CCDC138: variants seen among roughly 807,000 people sequenced by gnomAD.
CCDC138 encodes coiled-coil domain containing 138, also known as coiled-coil domain-containing protein 138.
A neutral mutation model predicts 82.3 loss-of-function variants in CCDC138; 66 were observed. The ratio of observed to expected loss-of-function variants is 0.80; its 90% CI spans 0.66 to 0.98. The LOEUF is 0.98. Ranked by LOEUF, CCDC138 falls within the 50% of genes least tolerant of loss-of-function variation. The pLI is 0.00. For synonymous variants in CCDC138, 297 were observed against 265.4 expected, an observed-to-expected ratio of 1.12 and a Z score of -1.16; for missense variants, 816 against 758.9, an observed-to-expected ratio of 1.08 and a Z score of -0.88.
chr2:108,842,672 T>A (rs1257399858), intron 11 of CCDC138, among the ~76,000 whole-genome samples: 1 of 151,650 alleles, frequency 6.6e-6, no homozygotes, highest in Non-Finnish European at 1.5e-5. Flanking sequence ...TAGGGAGGAG[T>A]TGTCTAAGGC....
At chr2:108,861,441 A>G (rs1385057323) in intron 13 of CCDC138, among the ~76,000 whole-genome samples, 1 of 131,326 alleles carries the variant, frequency 7.6e-6, no homozygotes, top group African/African-American at 3.4e-5. Context: ...TTCTTTTTTT[A>G]TGTAGACATT....
At chr2:108,851,924 G>T (rs1401045530) in intron 12 of CCDC138, among the ~76,000 whole-genome samples, 1 of 152,174 alleles carries the variant, frequency 6.6e-6, no homozygotes, top group East Asian at 1.9e-4. Context: ...TACAAAGGTA[G>T]ATAATTGTGC....
At chr2:108,814,938 C>T (rs1035374388) in intron 9 of CCDC138, among the ~76,000 whole-genome samples, 1 of 151,800 alleles carries the variant, frequency 6.6e-6, no homozygotes, top group African/African-American at 2.4e-5. Flanking sequence ...ATCTGGCCTG[C>T]AGATTTTTAA....
intron 10 of CCDC138, among the ~76,000 whole-genome samples, chr2:108,833,666 A>G (rs1688066869): frequency 6.6e-6 from 1 of 152,168 alleles, no homozygotes. Context: ...CATAATAAGA[A>G]ACGAAACAAA....
intron 7 of CCDC138, among the ~76,000 whole-genome samples, chr2:108,810,966 A>T (rs2149798665): frequency 6.6e-6 from 1 of 152,138 alleles, no homozygotes; most frequent in Admixed American, 6.5e-5. Flanking sequence ...GTTTGTTGGC[A>T]TATAGTTGTT....
intron 4 of CCDC138, among the ~76,000 whole-genome samples, chr2:108,793,457 T>TA (rs1680289614): frequency 6.6e-6 from 1 of 152,194 alleles, no homozygotes; most frequent in Admixed American, 6.5e-5. Flanking sequence ...GGAACTCACC[T>TA]ACTGCTGTTG....
intron 10 of CCDC138, among the ~76,000 whole-genome samples, chr2:108,829,209 G>A (rs1263146325): frequency 6.6e-6 from 1 of 152,038 alleles, no homozygotes; most frequent in Non-Finnish European, 1.5e-5. Flanking sequence ...AGAATGGGAG[G>A]AAATATTAGC....
At chr2:108,871,370 T>TA (rs59725353) in intron 13 of CCDC138, among the ~76,000 whole-genome samples, 812 of 76,644 alleles carry the variant, frequency 0.011, 14 homozygotes, top group African/African-American at 0.036. Context: ...CCAACTCTAT[T>TA]AAAAAAAAAA....
downstream of CCDC138, among the ~76,000 whole-genome samples, chr2:108,879,138 T>C (rs549126733): frequency 6.6e-6 from 1 of 152,334 alleles, no homozygotes; most frequent in Non-Finnish European, 1.5e-5. Context: ...CTTTTATTTA[T>C]TTATTTAATT....
chr2:108,805,452 G>A (rs183861272), intron 7 of CCDC138, among the ~76,000 whole-genome samples: 50 of 152,156 alleles, frequency 3.3e-4, no homozygotes, highest in African/African-American at 8.9e-4. Flanking sequence ...CAGGCCAGGC[G>A]CGGTGGCTCA....
rs1175586709 is a variant in CCDC138 at position 108,791,663 on chromosome 2, A to G, written c.267-12A>G. ...ACTTCTAGATTGCTGTGATACAATT[A>G]TTTTTTTAAAGCCTAGATGATGAAC... On this transcript the variant is annotated splice_polypyrimidine_tract_variant and intron_variant, in intron 3 of 14. Transcript: ENST00000295124. 1.2e-6 allele frequency: 2 copies of G among 1,601,222 alleles called. No homozygotes were observed. The highest frequency in any genetic ancestry group is 2.7e-5 in the African/African-American group (2 of 74,306).
At chr2:108,850,079 C>T (rs1031428561) in intron 12 of CCDC138, among the ~76,000 whole-genome samples, 1 of 152,118 alleles carries the variant, frequency 6.6e-6, no homozygotes, top group Non-Finnish European at 1.5e-5. Flanking sequence ...AGATGGTCCT[C>T]GGAACTACTG....
At chr2:108,835,980 G>C (rs1335497201) in intron 10 of CCDC138, among the ~76,000 whole-genome samples, 1 of 152,146 alleles carries the variant, frequency 6.6e-6, no homozygotes, top group African/African-American at 2.4e-5. Context: ...GAGAAAGGGA[G>C]CCCAGTCCCA....
At chr2:108,808,830 T>A (rs1403958084) in intron 7 of CCDC138, among the ~76,000 whole-genome samples, 1 of 152,174 alleles carries the variant, frequency 6.6e-6, no homozygotes, top group African/African-American at 2.4e-5. Context: ...GTTTCCAATC[T>A]CATTTGTCTG....
chr2:108,857,322 G>T (rs1574257731), intron 13 of CCDC138, among the ~76,000 whole-genome samples: 1 of 152,084 alleles, frequency 6.6e-6, no homozygotes, highest in East Asian at 1.9e-4. Context: ...GGCAGCCTCG[G>T]CCTCCCAAAG....
intron 1 of CCDC138, among the ~76,000 whole-genome samples, chr2:108,787,708 G>A (rs952974053): frequency 4.0e-5 from 6 of 151,740 alleles, no homozygotes; most frequent in Non-Finnish European, 8.8e-5. Context: ...TTTCTGTAAG[G>A]TTGTTTTTTT....
At chr2:108,817,836 T>C (rs945121143) in intron 10 of CCDC138, among the ~76,000 whole-genome samples, 6 of 152,188 alleles carry the variant, frequency 3.9e-5, no homozygotes, top group African/African-American at 1.4e-4. Context: ...GTTGTTTAAA[T>C]GTTAAGTTTG....
chr2:108,812,730 AC>A (rs1558657107), intron 8 of CCDC138, 22 bp downstream of exon 8: 1 of 1,607,744 alleles, frequency 6.2e-7, no homozygotes, highest in South Asian at 1.1e-5. Flanking sequence ...GTTCTTCTCT[AC>A]AGACAGAAGT....
chr2:108,877,693 AC>A (rs995062756), downstream of CCDC138, among the ~76,000 whole-genome samples: 24 of 152,296 alleles, frequency 1.6e-4, no homozygotes, highest in African/African-American at 4.3e-4. Context: ...AAAGAACAGA[AC>A]AAGTGGAGCG....
Sources: allele counts gnomAD v4.1 joint callset (sites outside exome capture counted in the v4.1 genomes callset), GRCh38; gene constraint gnomAD v4.1.1; transcripts MANE v1.5; gene names NCBI Gene and HGNC (gene_info 2026-07-23, HGNC 2026-07-21).